Variants in SDK1 observed in about 807,000 individuals in gnomAD.
The protein encoded by SDK1 is sidekick cell adhesion molecule 1.
SDK1 carries 157 observed loss-of-function variants against 245.5 expected under a neutral mutation model. The ratio of observed to expected loss-of-function variants is 0.64; its 90% CI spans 0.56 to 0.73. The LOEUF is 0.73. SDK1 is among the 30% of genes least tolerant of loss of function. The pLI, the probability that SDK1 is intolerant of heterozygous loss-of-function variation, is 0.00. For missense variants in SDK1, 3,583 were observed against 3,002.3 expected (o/e 1.19, Z -4.52); for synonymous variants, 1,647 against 1,278.5 (o/e 1.29, Z -6.15).
At chr7:4,214,082 G>A (rs1181343458) in intron 38 of SDK1, among the ~76,000 whole-genome samples, 1 of 152,152 alleles carries the variant, frequency 6.6e-6, no homozygotes. Flanking sequence ...CAGAGAGATT[G>A]GGCTCAGAGC....
intron 10 of SDK1, among the ~76,000 whole-genome samples, chr7:3,967,672 C>T (rs1055055759): frequency 3.3e-5 from 5 of 152,244 alleles, no homozygotes; most frequent in East Asian, 1.9e-4. Context: ...ACTGTTCCAT[C>T]TCAGATCATT....
intron 28 of SDK1, among the ~76,000 whole-genome samples, chr7:4,142,912 A>G (rs1049953674): frequency 5.3e-5 from 8 of 152,352 alleles, no homozygotes; most frequent in African/African-American, 9.6e-5. Context: ...TTATGTGGCC[A>G]GAGATGCTTT....
At chr7:3,860,448 A>C (rs1780663702) in intron 5 of SDK1, among the ~76,000 whole-genome samples, 2 of 152,234 alleles carry the variant, frequency 1.3e-5, no homozygotes, top group Admixed American at 6.5e-5. Flanking sequence ...GGAAATCCAA[A>C]TTAAGGCAAA....
chr7:4,071,418 C>A (rs1241848897), intron 20 of SDK1, among the ~76,000 whole-genome samples: 3 of 152,180 alleles, frequency 2.0e-5, no homozygotes, highest in Non-Finnish European at 4.4e-5. Flanking sequence ...AGTGTGAAAA[C>A]TCCAGGAATG....
chr7:3,992,635 A>G (rs1431579174), intron 14 of SDK1, among the ~76,000 whole-genome samples: 1 of 152,176 alleles, frequency 6.6e-6, no homozygotes, highest in Non-Finnish European at 1.5e-5. Flanking sequence ...TATGATCAAA[A>G]ATGATCTTTC....
intron 5 of SDK1, among the ~76,000 whole-genome samples, chr7:3,939,394 G>A (rs1272962668): frequency 6.6e-6 from 1 of 152,254 alleles, no homozygotes; most frequent in Non-Finnish European, 1.5e-5. Flanking sequence ...ACGTCCAGGG[G>A]CTGGGCCAGT....
intron 4 of SDK1, among the ~76,000 whole-genome samples, chr7:3,810,455 A>G (rs1296921945): frequency 1.3e-5 from 2 of 152,206 alleles, no homozygotes; most frequent in Admixed American, 1.3e-4. Flanking sequence ...ATATGACCAC[A>G]CCAGGAATTT....
intron 11 of SDK1, among the ~76,000 whole-genome samples, chr7:3,970,854 G>A (rs1055528600): frequency 4.6e-5 from 7 of 152,194 alleles, no homozygotes; most frequent in Admixed American, 1.3e-4. Context: ...TGACTCCGAA[G>A]TTCTGGGCTC....
At chr7:4,071,276 C>T (rs903807845) in intron 20 of SDK1, among the ~76,000 whole-genome samples, 1 of 151,958 alleles carries the variant, frequency 6.6e-6, no homozygotes, top group Non-Finnish European at 1.5e-5. Flanking sequence ...CCACCCACTT[C>T]GGCCTCCCAA....
chr7:3,554,080 G>C (rs576419705), intron 1 of SDK1, among the ~76,000 whole-genome samples: 2 of 152,142 alleles, frequency 1.3e-5, no homozygotes, highest in Admixed American at 6.5e-5. Flanking sequence ...GGATGTAGAA[G>C]GTCTGAACAA....
intron 4 of SDK1, among the ~76,000 whole-genome samples, chr7:3,788,557 C>G (rs950437318): frequency 3.3e-5 from 5 of 152,150 alleles, no homozygotes; most frequent in Admixed American, 1.3e-4. Context: ...GATTCCTATA[C>G]CTTTTGGTCA....
intron 11 of SDK1, among the ~76,000 whole-genome samples, chr7:3,971,125 G>T (rs565889772): frequency 1.4e-4 from 22 of 152,268 alleles, no homozygotes; most frequent in South Asian, 1.0e-3. Flanking sequence ...GAAATGACTA[G>T]AATGATGGTC....
chr7:3,876,993 C>A (rs184608361), intron 5 of SDK1, among the ~76,000 whole-genome samples: 1 of 152,188 alleles, frequency 6.6e-6, no homozygotes, highest in African/African-American at 2.4e-5. Context: ...CCTTCTGTCC[C>A]TCTGCCCCTC....
At chr7:4,172,364 G>C (rs564828033) in intron 32 of SDK1, among the ~76,000 whole-genome samples, 1 of 152,328 alleles carries the variant, frequency 6.6e-6, no homozygotes, top group South Asian at 2.1e-4. Context: ...GAACGCGTGA[G>C]TGTTGTTCCT....
At chr7:3,777,679 C>A (rs6969090) in intron 4 of SDK1, among the ~76,000 whole-genome samples, 3,868 of 152,184 alleles carry the variant, frequency 0.025, 161 homozygotes, top group African/African-American at 0.09. Flanking sequence ...TTCGATTGAC[C>A]ACCAGCTTAA....
intron 1 of SDK1, among the ~76,000 whole-genome samples, chr7:3,459,307 G>A (rs144021644): frequency 1.3e-5 from 2 of 152,094 alleles, no homozygotes; most frequent in African/African-American, 4.8e-5. Flanking sequence ...CATACTTTTT[G>A]TATGGCTCAT....
At chr7:3,939,988 T>G (rs1023891960) in intron 5 of SDK1, among the ~76,000 whole-genome samples, 1 of 152,252 alleles carries the variant, frequency 6.6e-6, no homozygotes, top group Non-Finnish European at 1.5e-5. Context: ...TTGAGACGCG[T>G]AGGCAATGTT....
chr7:3,444,734 A>C lies in SDK1; in HGVS notation c.298+142850A>C, dbSNP rs564888719. On this transcript the variant is annotated intron_variant, in intron 1 of 44. Transcript: ENST00000404826. ...TTTTCAGTAGGCCAGTCCCCAGCTA[A>C]ATTGGGTGACCAACTTGGCTAATGT... 1.6e-4 allele frequency among the ~76,000 whole-genome samples: 25 copies of C among 152,296 alleles called. 1 individual carries two copies. The South Asian group carries it at 5.0e-3, about 30-fold the overall frequency.
At chr7:3,553,072 T>C (rs909112250) in intron 1 of SDK1, among the ~76,000 whole-genome samples, 6 of 152,138 alleles carry the variant, frequency 3.9e-5, no homozygotes, top group African/African-American at 7.2e-5. Flanking sequence ...CATCCTACCA[T>C]CTAGTATAAT....
Sources: gnomAD v4.1 joint callset for allele counts (sites outside exome capture counted in the v4.1 genomes callset) on GRCh38, gnomAD v4.1.1 for gene constraint, MANE v1.5 for transcripts, NCBI Gene and HGNC (gene_info 2026-07-23, HGNC 2026-07-21) for gene names.